The following MAIP1 variants were observed in gnomAD, a reference collection of about 807,000 sequenced individuals.
MAIP1 encodes the protein matrix AAA peptidase interacting protein 1, also known as m-AAA protease-interacting protein 1, mitochondrial.
Under a neutral mutation model 31.2 loss-of-function variants are expected in MAIP1, and 28 were observed. The observed-to-expected ratio is 0.90, with a 90% confidence interval of 0.67 to 1.23. The LOEUF (loss-of-function observed/expected upper bound fraction) is 1.23, where lower values mean the gene tolerates loss of function less well. MAIP1 is among the 50% of genes most tolerant of loss of function. The pLI is 0.00. For missense variants in MAIP1, 339 were observed against 356.0 expected, an observed-to-expected ratio of 0.95 and a Z score of 0.38; for synonymous variants, 142 against 142.3, an observed-to-expected ratio of 1.00 and a Z score of 0.02.
intron 4 of MAIP1, 60 bp from the exon 5 acceptor site, chr2:199,963,673 G>C (rs1033569568): frequency 2.0e-6 from 2 of 992,260 alleles, no homozygotes; most frequent in African/African-American, 3.3e-5. Context: ...AAATTACATA[G>C]TTATCTAACA....
rs200309615 is a variant in MAIP1 at position 199,956,000 on chromosome 2, G to A, written c.202G>A (p.Ala68Thr). The A allele has an allele frequency of 1.2e-6, 2 of 1,611,396 alleles. No homozygotes were observed. The highest frequency in any genetic ancestry group is 1.7e-6 in the Non-Finnish European group (2 of 1,178,920). The change falls in exon 1 of 5, where the codon GCC becomes ACC. Residue 68 changes from alanine to threonine, a missense_variant. Transcript: ENST00000392290. The part of the protein sequence containing the change: ...ARALAASALP[A>T]QGSRWPVLSS... ...GGCCTTGGCAGCCTCGGCGCTACCT[G>A]CCCAGGGCTCCCGGTGGCCAGTGCT...
In MAIP1 at chr2:199,955,784, T is replaced by C. The variant is rs779943140; in HGVS notation, c.-15T>C. The C allele has an allele frequency of 6.6e-7, 1 of 1,514,398 alleles. No individual in the cohort carries two copies. Among genetic ancestry groups the C allele is most frequent in the East Asian group, 2.3e-5 (1 of 43,948 alleles). 93.8% of individuals were successfully genotyped at this position (1,514,398 alleles called of 1,614,324 possible). ...CATACAGCACCGGCAGGCACCGGTG[T>C]GAAGGGTCATAAAAATGGCGCTGGC... On this transcript the variant is annotated 5_prime_UTR_variant, in exon 1 of 5. Transcript: ENST00000392290.
rs775115912 is a variant in MAIP1, at chr2:199,963,770, T to G, written c.835T>G (p.Trp279Gly). Residue 279 changes from tryptophan to glycine, a missense_variant, in exon 5 of 5, where the codon TGG becomes GGG. By Grantham distance (184) the Trp-to-Gly change is radical. Coordinates refer to ENST00000392290, the MANE Select transcript of MAIP1 (RefSeq NM_001394955.1). ...GTTCACACAAGGAGTAAAGCCTGAC[T>G]GGACCATTGCACGGATTGAACACTC... is the stretch of plus-strand genomic sequence containing the variant. ...REFTQGVKPD[W>G]TIARIEHSKL... 10 of 1,610,786 alleles carry G rather than the reference T, an allele frequency of 6.2e-6. 1 individual carries two copies. In the South Asian group the frequency reaches 1.1e-4, roughly 18 times the overall value.
At chr2:199,959,697 T>C (rs2077625922) in intron 2 of MAIP1, 57 bp from the exon 3 acceptor site, 1 of 1,497,272 alleles carries the variant, frequency 6.7e-7, no homozygotes, top group Non-Finnish European at 9.1e-7. Flanking sequence ...AGATCACTTT[T>C]TGAAAGTTTT....
Position 199,955,965 on chromosome 2 carries a change from G to T in MAIP1, c.167G>T (p.Arg56Leu). ...RLGLGAALFP[R>L]SARALAASAL... ...GGCTTGGGAGCGGCGTTATTTCCAC[G>T]AAGCGCTAGGGCCTTGGCAGCCTCG... Residue 56 changes from arginine (R) to leucine (L), a missense_variant, in exon 1 of 5, where the codon CGA (arginine) becomes CTA (leucine). By Grantham distance (102) the Arg-to-Leu change is moderately radical (BLOSUM62 -2). Coordinates refer to ENST00000392290, the MANE Select transcript of MAIP1 (RefSeq NM_001394955.1). 6.2e-7 allele frequency: 1 copy of T among 1,607,388 alleles called. No individual in the cohort carries two copies. Among genetic ancestry groups the T allele is most frequent in the Non-Finnish European group, 8.5e-7 (1 of 1,175,906 alleles).
chr2:199,955,630 C>T lies in MAIP1; in HGVS notation c.-169C>T, dbSNP rs952876085. The T allele has an allele frequency of 5.9e-6, 7 of 1,179,332 alleles. No homozygotes were observed. Among genetic ancestry groups the T allele is most frequent in the Non-Finnish European group, 8.2e-6 (7 of 853,954 alleles). 73.1% of individuals were successfully genotyped at this position (1,179,332 alleles called of 1,614,324 possible). ...AGCGCGGGGCGGGTTGCCGAAGGGCCTCGGCCTGGGCTGCGTGCTGGAGAG... is the reference window on the plus strand; with the variant it reads ...AGCGCGGGGCGGGTTGCCGAAGGGCTTCGGCCTGGGCTGCGTGCTGGAGAG... On this transcript the variant is annotated 5_prime_UTR_variant, in exon 1 of 5. Transcript: ENST00000392290.
At chr2:199,960,011 C>G in intron 3 of MAIP1, 131 bp downstream of exon 3, 1 of 835,782 alleles carries the variant, frequency 1.2e-6, no homozygotes, top group Non-Finnish European at 1.8e-6. Context: ...ATGTTATATC[C>G]ATTCTTTAAA....
At chr2:199,957,782 G>T (rs2077616167) in intron 1 of MAIP1, among the ~76,000 whole-genome samples, 1 of 152,184 alleles carries the variant, frequency 6.6e-6, no homozygotes, top group South Asian at 2.1e-4. Context: ...AAAGTCTTTT[G>T]TCCATGCAGT....
At chr2:199,962,036 G>A in intron 4 of MAIP1, 108 bp downstream of exon 4, 1 of 1,033,880 alleles carries the variant, frequency 9.7e-7, no homozygotes, top group South Asian at 1.8e-5. Context: ...AATTTGACAA[G>A]TTATTTATGA....
At chr2:199,956,363 T>C in intron 1 of MAIP1, 115 bp downstream of exon 1, 1 of 854,182 alleles carries the variant, frequency 1.2e-6, no homozygotes, top group Non-Finnish European at 1.9e-6. Context: ...ACGTGATTAG[T>C]GGCCCAGACA....
Position 199,955,615 on chromosome 2 carries a change from G to A in MAIP1, c.-184G>A. The A allele has an allele frequency of 2.4e-6, 3 of 1,242,068 alleles. No individual in the cohort carries two copies. Among genetic ancestry groups the A allele is most frequent in the East Asian group, 2.5e-5 (1 of 39,272 alleles). 76.9% of individuals were successfully genotyped at this position (1,242,068 alleles called of 1,614,324 possible). On this transcript the variant is annotated 5_prime_UTR_variant, in exon 1 of 5. Coordinates refer to ENST00000392290, the MANE Select transcript of MAIP1 (RefSeq NM_001394955.1). The stretch of plus-strand genomic sequence containing the variant: ...GAGTGGCTGGGTCCGAGCGCGGGGC[G>A]GGTTGCCGAAGGGCCTCGGCCTGGG...
In MAIP1 at chr2:199,956,268, T is replaced by C; in HGVS notation, c.450+20T>C. ...AAGCAGGTTTGTTTATTTCCCTGAT[T>C]GACCTATCCGTCTCTAATGAGTTCA... On this transcript the variant is annotated intron_variant, in intron 1 of 4. Transcript: ENST00000392290. 1 of 1,577,424 alleles carries C rather than the reference T, an allele frequency of 6.3e-7. No individual in the cohort carries two copies. Among genetic ancestry groups the C allele is most frequent in the African/African-American group, 1.3e-5 (1 of 74,402 alleles).
intron 3 of MAIP1, among the ~76,000 whole-genome samples, chr2:199,961,211 C>G (rs1008620836): frequency 2.0e-5 from 3 of 152,074 alleles, no homozygotes; most frequent in African/African-American, 7.2e-5. Flanking sequence ...ACTTGTAATC[C>G]TAGCATTTTG....
chr2:199,955,465 G>A (rs931521211), upstream of MAIP1: 15 of 1,613,562 alleles, frequency 9.3e-6, no homozygotes, highest in East Asian at 8.9e-5. Flanking sequence ...GGTGCTGCCC[G>A]GCCATGGTTG....
intron 4 of MAIP1, among the ~76,000 whole-genome samples, chr2:199,963,392 C>T (rs1223021967): frequency 2.0e-5 from 3 of 152,058 alleles, no homozygotes; most frequent in African/African-American, 7.2e-5. Flanking sequence ...TATCTGTCCT[C>T]ATATTAGGCA....
rs150048783 is a variant in MAIP1 at position 199,959,782 on chromosome 2, C to T, written c.551C>T (p.Thr184Ile). 3.5e-4 allele frequency: 560 copies of T among 1,612,418 alleles called. 1 individual carries two copies. Among genetic ancestry groups the T allele is most frequent in the Middle Eastern group, 4.9e-4 (3 of 6,080 alleles). Residue 184 changes from threonine (T) to isoleucine (I), a missense_variant, in exon 3 of 5, where the codon ACT (threonine) becomes ATT (isoleucine). Thr to Ile is a moderately conservative substitution (Grantham distance 89, BLOSUM62 -1). Coordinates refer to ENST00000392290, the MANE Select transcript of MAIP1 (RefSeq NM_001394955.1). Reference protein sequence around the residue: ...EVLHALKEKVTSLPDNHKNAL... With the variant: ...EVLHALKEKVISLPDNHKNAL... ...CTACATGCATTGAAAGAAAAGGTTA[C>T]TTCACTACCTGACAACCATAAAAAT...
intron 1 of MAIP1, among the ~76,000 whole-genome samples, chr2:199,958,330 T>G (rs1476908527): frequency 6.6e-6 from 1 of 152,190 alleles, no homozygotes; most frequent in East Asian, 1.9e-4. Context: ...AATCATCTCT[T>G]TAAGGCTTTA....
At chr2:199,963,610 T>G (rs2077647712) in intron 4 of MAIP1, 123 bp from the exon 5 acceptor site, 2 of 506,250 alleles carry the variant, frequency 4.0e-6, no homozygotes, top group African/African-American at 4.0e-5. Context: ...TTGATTTTGA[T>G]TTAATATTAA....
intron 1 of MAIP1, among the ~76,000 whole-genome samples, chr2:199,957,774 A>T (rs191061776): frequency 2.2e-3 from 333 of 152,324 alleles, no homozygotes; most frequent in Non-Finnish European, 3.6e-3. Context: ...CAGTTCTCAA[A>T]GTCTTTTGTC....
Sources: gnomAD v4.1 joint callset for allele counts (sites outside exome capture counted in the v4.1 genomes callset) on GRCh38, gnomAD v4.1.1 for gene constraint, MANE v1.5 for transcripts, NCBI Gene and HGNC (gene_info 2026-07-23, HGNC 2026-07-21) for gene names.